The following PTPRK variants were observed in gnomAD, a reference collection of about 807,000 sequenced individuals.
PTPRK encodes protein tyrosine phosphatase receptor type K, also known as receptor-type tyrosine-protein phosphatase kappa.
A neutral mutation model predicts 178.0 loss-of-function variants in PTPRK; 75 were observed. The observed-to-expected ratio is 0.42, with a 90% CI of 0.35 to 0.51. The LOEUF is 0.51. Ranked by LOEUF, PTPRK falls within the 20% of genes least tolerant of loss-of-function variation. The probability of loss-of-function intolerance (pLI) is 0.02; values close to 1 mark genes in which losing one functional copy is unlikely to be tolerated. For missense variants in PTPRK, 1,441 were observed against 1,797.8 expected, an observed-to-expected ratio of 0.80 and a Z score of 3.59; for synonymous variants, 637 against 620.6, an observed-to-expected ratio of 1.03 and a Z score of -0.39.
At chr6:128,327,614 A>C (rs762628497) in intron 2 of PTPRK, among the ~76,000 whole-genome samples, 5 of 152,166 alleles carry the variant, frequency 3.3e-5, no homozygotes, top group Non-Finnish European at 7.3e-5. Context: ...TGCCAATTTT[A>C]AATGATTTAC....
At chr6:128,054,609 T>C (rs1779593630) in intron 13 of PTPRK, among the ~76,000 whole-genome samples, 1 of 152,210 alleles carries the variant, frequency 6.6e-6, no homozygotes, top group African/African-American at 2.4e-5. Context: ...CCAAGGCTAA[T>C]GCTATTTGCA....
chr6:128,111,411 T>C (rs375349512), intron 7 of PTPRK, among the ~76,000 whole-genome samples: 1 of 152,262 alleles, frequency 6.6e-6, no homozygotes, highest in South Asian at 2.1e-4. Flanking sequence ...TGGAAGTATT[T>C]ACTAAGTTAG....
At chr6:128,176,180 T>C (rs992705693) in intron 7 of PTPRK, among the ~76,000 whole-genome samples, 1 of 151,946 alleles carries the variant, frequency 6.6e-6, no homozygotes, top group Non-Finnish European at 1.5e-5. Flanking sequence ...TGTGTGTATA[T>C]TCCTTGTATT....
At position 128,513,581 on chromosome 6, in the gene PTPRK, T is replaced by A. The variant is rs146231995; in HGVS notation, c.100+6678A>T. 1.6e-4 allele frequency among the ~76,000 whole-genome samples: 25 copies of A among 152,224 alleles called. 2 individuals are homozygous for A. In the East Asian group the frequency reaches 4.8e-3, roughly 29 times the overall value. ...CAAGGAAATGTATTTCAGGTTATCATTAATCCTTTTGCAATATTCTTGAAA... is the reference window on the plus strand; with the variant it reads ...CAAGGAAATGTATTTCAGGTTATCAATAATCCTTTTGCAATATTCTTGAAA... On this transcript the variant is annotated intron_variant, in intron 1 of 29. Coordinates refer to ENST00000368226, the MANE Select transcript of PTPRK (RefSeq NM_002844.4).
chr6:128,365,635 A>G (rs1023514355), intron 2 of PTPRK, among the ~76,000 whole-genome samples: 4 of 152,122 alleles, frequency 2.6e-5, no homozygotes, highest in African/African-American at 7.2e-5. Flanking sequence ...AGCTAATGAT[A>G]GCATTTTGAG....
At chr6:128,090,768 T>C (rs1201398755) in intron 7 of PTPRK, among the ~76,000 whole-genome samples, 1 of 152,196 alleles carries the variant, frequency 6.6e-6, no homozygotes, top group Admixed American at 6.5e-5. Context: ...CTAACTTGAA[T>C]CATCTAACTT....
chr6:128,464,861 CA>C (rs1288457622), intron 1 of PTPRK, among the ~76,000 whole-genome samples: 1 of 145,662 alleles, frequency 6.9e-6, no homozygotes, highest in African/African-American at 2.5e-5. Flanking sequence ...AATAACAACA[CA>C]AAAAAAACAC....
At chr6:128,026,501 A>G (rs1774330705) in intron 13 of PTPRK, among the ~76,000 whole-genome samples, 2 of 152,316 alleles carry the variant, frequency 1.3e-5, no homozygotes, top group South Asian at 4.1e-4. Flanking sequence ...CACTTTTCTC[A>G]TCTTTACAAT....
intron 2 of PTPRK, among the ~76,000 whole-genome samples, chr6:128,331,354 A>G (rs1457463160): frequency 1.3e-5 from 2 of 152,236 alleles, no homozygotes; most frequent in Non-Finnish European, 2.9e-5. Flanking sequence ...TTTTAAGATT[A>G]GAAACCTCTT....
chr6:128,155,717 A>C (rs1444953037), intron 7 of PTPRK, among the ~76,000 whole-genome samples: 4 of 151,758 alleles, frequency 2.6e-5, no homozygotes. Flanking sequence ...ATTTTACCTC[A>C]GACTGGCTAG....
chr6:128,069,965 A>G (rs1425401406), intron 11 of PTPRK, among the ~76,000 whole-genome samples: 1 of 152,110 alleles, frequency 6.6e-6, no homozygotes, highest in Non-Finnish European at 1.5e-5. Flanking sequence ...CTTGGGTTGA[A>G]CTTTCAGATT....
intron 1 of PTPRK, among the ~76,000 whole-genome samples, chr6:128,483,938 T>G (rs1852449589): frequency 6.6e-6 from 1 of 152,154 alleles, no homozygotes; most frequent in Non-Finnish European, 1.5e-5. Flanking sequence ...AATGACATCC[T>G]GGGCAGGATG....
chr6:128,013,800 A>G lies in PTPRK; in HGVS notation c.2195-4532T>C, dbSNP rs146809431. On this transcript the variant is annotated intron_variant, in intron 13 of 29. Transcript: ENST00000368226. ...TGCTACTACCTTCATTCAGATCAGT[A>G]TCCTCTCAGGCAGATCACACAGCAG... is the stretch of plus-strand genomic sequence containing the variant. Among the ~76,000 whole-genome samples, 10 of 151,658 alleles carry G rather than the reference A, an allele frequency of 6.6e-5. No homozygotes were observed. The East Asian group carries it at 1.9e-3, about 29-fold the overall frequency.
At chr6:128,243,504 A>AGAAAAG (rs1178900373) in intron 3 of PTPRK, among the ~76,000 whole-genome samples, 2 of 142,142 alleles carry the variant, frequency 1.4e-5, no homozygotes, top group African/African-American at 6.0e-5. Flanking sequence ...AAAAAAAAAA[A>AGAAAAG]AAAAAAAAAG....
chr6:128,077,160 C>A (rs1438739886), intron 11 of PTPRK, among the ~76,000 whole-genome samples: 1 of 151,972 alleles, frequency 6.6e-6, no homozygotes, highest in African/African-American at 2.4e-5. Flanking sequence ...GAAGTGAACA[C>A]CTAAAAAGTA....
chr6:128,261,000 G>A (rs1436958581), intron 3 of PTPRK, among the ~76,000 whole-genome samples: 1 of 151,976 alleles, frequency 6.6e-6, no homozygotes, highest in Non-Finnish European at 1.5e-5. Context: ...TCTCTACTTA[G>A]TATTTCATCC....
chr6:128,108,008 T>C (rs1184582124), intron 7 of PTPRK, among the ~76,000 whole-genome samples: 1 of 151,818 alleles, frequency 6.6e-6, no homozygotes, highest in Non-Finnish European at 1.5e-5. Flanking sequence ...GAAAGTGATC[T>C]CTCAACCATT....
At chr6:128,426,903 CT>C (rs1844211317) in intron 1 of PTPRK, among the ~76,000 whole-genome samples, 1 of 152,156 alleles carries the variant, frequency 6.6e-6, no homozygotes, top group South Asian at 2.1e-4. Flanking sequence ...AGGGCCTTGA[CT>C]TTTCCTGGTA....
chr6:128,476,226 C>T (rs1017912422), intron 1 of PTPRK, among the ~76,000 whole-genome samples: 1 of 151,976 alleles, frequency 6.6e-6, no homozygotes, highest in African/African-American at 2.4e-5. Context: ...GTCATAAAAT[C>T]AGACCCTCAA....
Sources: allele counts gnomAD v4.1 joint callset (sites outside exome capture counted in the v4.1 genomes callset), GRCh38; gene constraint gnomAD v4.1.1; transcripts MANE v1.5; gene names NCBI Gene and HGNC (gene_info 2026-07-23, HGNC 2026-07-21).